The following SYCP1 variants were observed in gnomAD, a reference collection of about 807,000 sequenced individuals.
The protein encoded by SYCP1 is synaptonemal complex protein 1.
A neutral mutation model predicts 153.1 loss-of-function variants in SYCP1; 64 were observed. The ratio of observed to expected loss-of-function variants is 0.42; its 90% CI spans 0.34 to 0.51. The LOEUF (loss-of-function observed/expected upper bound fraction) is 0.51, where lower values mean the gene tolerates loss of function less well. Ranked by LOEUF, SYCP1 falls within the 20% of genes least tolerant of loss-of-function variation. SYCP1 has a pLI of 0.06. For synonymous variants in SYCP1, 384 were observed against 341.8 expected (o/e 1.12, Z -1.36); for missense variants, 997 against 1,049.0 (o/e 0.95, Z 0.68).
At chr1:114,881,240 A>G (rs1665905398) in intron 12 of SYCP1, among the ~76,000 whole-genome samples, 1 of 151,970 alleles carries the variant, frequency 6.6e-6, no homozygotes, top group Non-Finnish European at 1.5e-5. Flanking sequence ...CGTTTTACCC[A>G]TGTATTTTTT....
Position 114,910,377 on chromosome 1 carries a change from T to A in SYCP1, c.1321-20T>A, listed in dbSNP as rs766563183. On this transcript the variant is annotated intron_variant, in intron 16 of 31. Coordinates refer to ENST00000369522, the MANE Select transcript of SYCP1 (RefSeq NM_003176.4). ...ATGTGTATGGTTTGGCATTCCTGAT[T>A]TGTTAATGTTTATAAATAGGGAGAA... 1.3e-5 allele frequency: 20 copies of A among 1,527,760 alleles called. No individual in the cohort carries two copies. The highest frequency in any genetic ancestry group is 1.8e-5 in the Non-Finnish European group (20 of 1,112,450). The allele number at this position is 1,527,760 out of a possible 1,614,324, so 94.6% of individuals were successfully genotyped here. A position where few individuals can be genotyped will look rare whatever the true frequency, so the allele number is the denominator to read the frequency against.
chr1:114,855,599 G>A, intron 2 of SYCP1, 27 bp downstream of exon 2: 2 of 1,537,660 alleles, frequency 1.3e-6, no homozygotes, highest in South Asian at 2.3e-5. Context: ...CTCTTAATTG[G>A]ACTCTTCTTA....
chr1:114,968,526 A>G (rs967813601), intron 27 of SYCP1, among the ~76,000 whole-genome samples: 1 of 152,034 alleles, frequency 6.6e-6, no homozygotes, highest in African/African-American at 2.4e-5. Flanking sequence ...TTTCAGCTCC[A>G]TCAGGTCTTT....
chr1:114,959,912 A>G (rs1671674665), intron 27 of SYCP1, among the ~76,000 whole-genome samples: 1 of 152,132 alleles, frequency 6.6e-6, no homozygotes, highest in South Asian at 2.1e-4. Flanking sequence ...GCTGCAAATC[A>G]CAGGATCTTA....
chr1:114,866,122 T>A (rs796666975), intron 8 of SYCP1, among the ~76,000 whole-genome samples: 5 of 152,336 alleles, frequency 3.3e-5, no homozygotes, highest in African/African-American at 1.2e-4. Context: ...TTTTGGCAGT[T>A]ATGAATAAAG....
intron 2 of SYCP1, among the ~76,000 whole-genome samples, chr1:114,855,926 G>A (rs1663907140): frequency 6.6e-6 from 1 of 152,126 alleles, no homozygotes; most frequent in Non-Finnish European, 1.5e-5. Context: ...AGGACTATTT[G>A]GACAAATGCC....
chr1:114,929,985 A>G (rs954570980), intron 23 of SYCP1, among the ~76,000 whole-genome samples: 9 of 152,118 alleles, frequency 5.9e-5, no homozygotes, highest in Admixed American at 3.3e-4. Flanking sequence ...GAAGTCTTAC[A>G]GAATATGTTC....
chr1:114,919,934 T>C (rs1319596713), intron 20 of SYCP1, among the ~76,000 whole-genome samples: 1 of 151,980 alleles, frequency 6.6e-6, no homozygotes, highest in Non-Finnish European at 1.5e-5. Flanking sequence ...CAATTTTATC[T>C]TTTCAAAAAA....
chr1:114,863,942 G>C (rs1302817601), intron 8 of SYCP1, among the ~76,000 whole-genome samples: 1 of 149,840 alleles, frequency 6.7e-6, no homozygotes. Context: ...TGGACACAGG[G>C]AGGGGAACAT....
At chr1:114,916,512 A>G (rs1187784901) in intron 20 of SYCP1, among the ~76,000 whole-genome samples, 1 of 152,016 alleles carries the variant, frequency 6.6e-6, no homozygotes, top group Admixed American at 6.6e-5. Context: ...ATAATTTAAA[A>G]GATAAGGATA....
At chr1:114,855,929 C>G (rs1295348613) in intron 2 of SYCP1, among the ~76,000 whole-genome samples, 1 of 152,054 alleles carries the variant, frequency 6.6e-6, no homozygotes, top group Non-Finnish European at 1.5e-5. Context: ...ACTATTTGGA[C>G]AAATGCCTAT....
chr1:114,876,131 T>C lies in SYCP1; in HGVS notation c.720T>C (p.His240=), dbSNP rs1406161664. ...CTGAGAATTCCAGACTGGAAATGCATTTTAAGTGTAGGTATAGGGATCTTA... is the reference window on the plus strand; with the variant it reads ...CTGAGAATTCCAGACTGGAAATGCACTTTAAGTGTAGGTATAGGGATCTTA... ...VQAENSRLEM[H]FKLKEDYEKI... Residue 240 remains histidine (H), a synonymous_variant, in exon 10 of 32, where the codon CAT becomes CAC. Transcript: ENST00000369522. The C allele has an allele frequency of 8.8e-6, 14 of 1,584,740 alleles. No homozygotes were observed. Among genetic ancestry groups the C allele is most frequent in the East Asian group, 2.3e-5 (1 of 44,306 alleles).
At chr1:114,908,720 T>C (rs1441859251) in intron 16 of SYCP1, among the ~76,000 whole-genome samples, 1 of 152,202 alleles carries the variant, frequency 6.6e-6, no homozygotes, top group East Asian at 1.9e-4. Context: ...TTAGATTTTC[T>C]ATCTTTTTAT....
Position 114,947,280 on chromosome 1 carries a change from T to G in SYCP1, c.2282T>G (p.Leu761Trp). The G allele has an allele frequency of 6.2e-7, 1 of 1,613,156 alleles. No homozygotes were observed. The highest frequency in any genetic ancestry group is 1.7e-4 in the Middle Eastern group (1 of 6,052). Residue 761 changes from leucine (L) to tryptophan (W), a missense_variant, in exon 27 of 32, where the codon TTG becomes TGG. Physicochemically the swap from Leu to Trp is moderately conservative, Grantham distance 61 (BLOSUM62 -2). Coordinates refer to ENST00000369522, the MANE Select transcript of SYCP1 (RefSeq NM_003176.4). ...IELSNLKAEL[L>W]SVKKQLEIER... ...CTATCCAATCTCAAAGCTGAACTTT[T>G]GTCTGTTAAGAAGCAACTTGAAATA...
intron 20 of SYCP1, among the ~76,000 whole-genome samples, chr1:114,918,408 T>C (rs1668649480): frequency 6.6e-6 from 1 of 152,174 alleles, no homozygotes; most frequent in South Asian, 2.1e-4. Context: ...TAGTACATTT[T>C]GAAATCAGGT....
At chr1:114,936,683 C>G (rs1285012810) in intron 23 of SYCP1, among the ~76,000 whole-genome samples, 1 of 152,192 alleles carries the variant, frequency 6.6e-6, no homozygotes, top group Non-Finnish European at 1.5e-5. Context: ...TCTCCTTAAG[C>G]TGATAAGCAA....
chr1:114,895,567 C>A (rs908248667), intron 16 of SYCP1, 58 bp downstream of exon 16: 3 of 929,426 alleles, frequency 3.2e-6, no homozygotes, highest in African/African-American at 1.7e-5. Context: ...AATATTGAAT[C>A]CCTTAACTTA....
At chr1:114,936,301 T>C (rs1670007319) in intron 23 of SYCP1, among the ~76,000 whole-genome samples, 3 of 151,956 alleles carry the variant, frequency 2.0e-5, no homozygotes, top group African/African-American at 4.8e-5. Flanking sequence ...AAGACAAAAA[T>C]CGCATGATTA....
intron 23 of SYCP1, among the ~76,000 whole-genome samples, chr1:114,944,109 G>A (rs1426023747): frequency 6.6e-6 from 1 of 151,670 alleles, no homozygotes. Flanking sequence ...AAATGCATGG[G>A]TGTTTATTTT....
Sources: gnomAD v4.1 joint callset for allele counts (sites outside exome capture counted in the v4.1 genomes callset) on GRCh38, gnomAD v4.1.1 for gene constraint, MANE v1.5 for transcripts, NCBI Gene and HGNC (gene_info 2026-07-23, HGNC 2026-07-21) for gene names.